Variants in CCDC83 observed in about 807,000 individuals in gnomAD.
CCDC83 encodes the protein coiled-coil domain-containing protein 83.
Under a neutral mutation model 50.1 loss-of-function variants are expected in CCDC83, and 54 were observed. The observed-to-expected ratio is 1.08, with a 90% CI of 0.87 to 1.35. The LOEUF (loss-of-function observed/expected upper bound fraction) is 1.35. CCDC83 is among the 40% of genes most tolerant of loss of function. CCDC83 has a pLI of 0.00. For synonymous variants in CCDC83, 161 were observed against 153.3 expected, an observed-to-expected ratio of 1.05 and a Z score of -0.37; for missense variants, 518 against 473.9, an observed-to-expected ratio of 1.09 and a Z score of -0.86.
intron 7 of CCDC83, 98 bp downstream of exon 7, chr11:85,899,113 T>C: frequency 1.2e-6 from 1 of 834,180 alleles, no homozygotes; most frequent in Non-Finnish European, 1.9e-6. Flanking sequence ...AAAAGCATGG[T>C]ACCATGACTG....
chr11:85,867,083 TC>T (rs2093211640), intron 2 of CCDC83, among the ~76,000 whole-genome samples: 1 of 152,086 alleles, frequency 6.6e-6, no homozygotes, highest in Non-Finnish European at 1.5e-5. Flanking sequence ...AAAGACAGAG[TC>T]TCACTCTGTC....
At chr11:85,916,471 C>A in intron 10 of CCDC83, 1 of 441,412 alleles carries the variant, frequency 2.3e-6, no homozygotes, top group East Asian at 4.7e-5. Context: ...AGTAAGTTAT[C>A]TAATGCTACA....
At chr11:85,910,466 G>A (rs1345635225) in intron 7 of CCDC83, among the ~76,000 whole-genome samples, 1 of 152,170 alleles carries the variant, frequency 6.6e-6, no homozygotes, top group Non-Finnish European at 1.5e-5. Context: ...TATTCTAGAG[G>A]CTGACAGAAG....
chr11:85,867,088 C>A (rs1174336727), intron 2 of CCDC83, among the ~76,000 whole-genome samples: 2 of 152,198 alleles, frequency 1.3e-5, no homozygotes, highest in Admixed American at 6.5e-5. Flanking sequence ...CAGAGTCTCA[C>A]TCTGTCACCC....
intron 1 of CCDC83, among the ~76,000 whole-genome samples, chr11:85,862,018 A>AAAAAAAT (rs1555268616): frequency 1.6e-3 from 228 of 145,306 alleles, no homozygotes; most frequent in African/African-American, 4.9e-3. Context: ...AAAAAAAAAA[A>AAAAAAAT]AAAGAGAGTC....
At chr11:85,919,038 T>C (rs2093496190) in intron 10 of CCDC83, among the ~76,000 whole-genome samples, 1 of 152,208 alleles carries the variant, frequency 6.6e-6, no homozygotes, top group South Asian at 2.1e-4. Flanking sequence ...CTATAGTTAG[T>C]TTTGCACTAA....
chr11:85,863,620 A>T (rs1023693735), intron 1 of CCDC83, among the ~76,000 whole-genome samples: 13 of 152,246 alleles, frequency 8.5e-5, no homozygotes, highest in African/African-American at 3.1e-4. Context: ...GTGTGCAGGC[A>T]GCATGTCTAC....
chr11:85,905,993 A>G (rs2093424206), intron 7 of CCDC83, among the ~76,000 whole-genome samples: 1 of 149,038 alleles, frequency 6.7e-6, no homozygotes, highest in South Asian at 2.1e-4. Flanking sequence ...AAAAAAAAAG[A>G]GTATTAGGGA....
chr11:85,885,621 C>T (rs1032653727), intron 4 of CCDC83, among the ~76,000 whole-genome samples: 1 of 152,220 alleles, frequency 6.6e-6, no homozygotes, highest in Non-Finnish European at 1.5e-5. Context: ...AACTGGGGAA[C>T]TTGCCCATCA....
At chr11:85,891,847 G>A (rs1020025717) in intron 5 of CCDC83, among the ~76,000 whole-genome samples, 2 of 152,148 alleles carry the variant, frequency 1.3e-5, no homozygotes, top group African/African-American at 2.4e-5. Flanking sequence ...CCTAACCAAA[G>A]TCACAATGCT....
intron 5 of CCDC83, among the ~76,000 whole-genome samples, chr11:85,891,360 A>G (rs143370442): frequency 2.2e-3 from 336 of 152,360 alleles, no homozygotes; most frequent in South Asian, 5.2e-3. Context: ...GAAAACACTT[A>G]GAGCTGCTTC....
At chr11:85,898,891 T>A in intron 6 of CCDC83, 56 bp from the exon 7 acceptor site, 1 of 1,180,798 alleles carries the variant, frequency 8.5e-7, no homozygotes, top group Non-Finnish European at 1.3e-6. Context: ...TCACTATTGC[T>A]AAAATTGTGA....
intron 6 of CCDC83, 118 bp downstream of exon 6, chr11:85,895,502 C>A: frequency 3.3e-6 from 2 of 606,342 alleles, no homozygotes; most frequent in South Asian, 2.2e-5. Context: ...GATGCTCAAC[C>A]TGTAATAATG....
At chr11:85,897,399 C>T (rs1312524897) in intron 6 of CCDC83, among the ~76,000 whole-genome samples, 1 of 152,214 alleles carries the variant, frequency 6.6e-6, no homozygotes, top group Non-Finnish European at 1.5e-5. Context: ...ATGTCGAACA[C>T]TCACATGCTT....
intron 1 of CCDC83, among the ~76,000 whole-genome samples, chr11:85,864,379 C>A (rs977522737): frequency 1.2e-4 from 18 of 152,186 alleles, no homozygotes; most frequent in Admixed American, 5.2e-4. Context: ...GAAAAGTCTA[C>A]TTTAGTACCC....
At chr11:85,885,729 A>T (rs11234461) in intron 4 of CCDC83, among the ~76,000 whole-genome samples, 10,676 of 152,288 alleles carry the variant, frequency 0.07, 452 homozygotes, top group South Asian at 0.096. Context: ...TGAACTTTAG[A>T]TGACTGAATC....
chr11:85,901,214 A>T (rs11234468), intron 7 of CCDC83, among the ~76,000 whole-genome samples: 43,491 of 151,940 alleles, frequency 0.29, 6,603 homozygotes, highest in African/African-American at 0.31. Flanking sequence ...ATATATATAT[A>T]TTTTAAATTT....
At position 85,909,683 on chromosome 11, in the gene CCDC83, C is replaced by T. The variant is rs185035375; in HGVS notation, c.673-1598C>T. The stretch of plus-strand genomic sequence containing the variant: ...TGTTGCCCAGGCTGGAGTGCAGTGG[C>T]GTGATCTCAGCTCACTGTGACCTCC... On this transcript the variant is annotated intron_variant, in intron 7 of 10. Transcript: ENST00000342404. Among the ~76,000 whole-genome samples, 139 of 120,798 alleles carry T rather than the reference C, an allele frequency of 1.2e-3. 1 individual carries two copies. Among genetic ancestry groups the T allele is most frequent in the African/African-American group, 4.0e-3 (123 of 31,074 alleles). 79.2% of individuals were successfully genotyped at this position (120,798 alleles called of 152,430 possible). A position where few individuals can be genotyped will look rare whatever the true frequency, so the allele number is the denominator to read the frequency against.
At chr11:85,896,024 T>C (rs999914523) in intron 6 of CCDC83, among the ~76,000 whole-genome samples, 15 of 152,146 alleles carry the variant, frequency 9.9e-5, no homozygotes, top group Admixed American at 6.5e-5. Flanking sequence ...ATAAGAAATA[T>C]ACGTTGAGTA....
Sources: gnomAD v4.1 joint callset for allele counts (sites outside exome capture counted in the v4.1 genomes callset) on GRCh38, gnomAD v4.1.1 for gene constraint, MANE v1.5 for transcripts, NCBI Gene and HGNC (gene_info 2026-07-23, HGNC 2026-07-21) for gene names.